EXOC4: variants seen among roughly 807,000 people sequenced by gnomAD.
EXOC4 encodes SEC8-like 1.
EXOC4 carries 71 observed loss-of-function variants against 107.2 expected under a neutral mutation model. The observed-to-expected ratio is 0.66, with a 90% confidence interval of 0.55 to 0.81. The LOEUF is 0.81. Among genes scored for constraint, EXOC4 ranks in the 30% least tolerant of loss-of-function variants. The probability of loss-of-function intolerance (pLI) is 0.00; values close to 1 mark genes in which losing one functional copy is unlikely to be tolerated. For missense variants in EXOC4, 1,108 were observed against 1,189.6 expected, an observed-to-expected ratio of 0.93 and a Z score of 1.01; for synonymous variants, 456 against 441.2, an observed-to-expected ratio of 1.03 and a Z score of -0.42.
chr7:134,045,558 A>G (rs370426500), intron 17 of EXOC4, among the ~76,000 whole-genome samples: 1 of 152,244 alleles, frequency 6.6e-6, no homozygotes, highest in African/African-American at 2.4e-5. Context: ...TGTCTTCTGT[A>G]TAGTTAAGAA....
intron 7 of EXOC4, among the ~76,000 whole-genome samples, chr7:133,419,978 T>G (rs1359674693): frequency 6.6e-6 from 1 of 151,188 alleles, no homozygotes; most frequent in Admixed American, 6.6e-5. Flanking sequence ...TTTTTTTTTT[T>G]TTTTATTATA....
At chr7:133,438,977 C>T (rs1798039345) in intron 7 of EXOC4, among the ~76,000 whole-genome samples, 1 of 152,078 alleles carries the variant, frequency 6.6e-6, no homozygotes, top group African/African-American at 2.4e-5. Flanking sequence ...GGAAATTTGA[C>T]TTACAGGTTT....
chr7:133,572,820 A>G (rs530480951), intron 9 of EXOC4, among the ~76,000 whole-genome samples: 3 of 152,232 alleles, frequency 2.0e-5, no homozygotes, highest in Non-Finnish European at 4.4e-5. Context: ...AATATGGTCT[A>G]TAGTGATTTA....
intron 9 of EXOC4, among the ~76,000 whole-genome samples, chr7:133,564,707 A>AT (rs1800873963): frequency 6.6e-6 from 1 of 152,096 alleles, no homozygotes; most frequent in Non-Finnish European, 1.5e-5. Context: ...GCAGACTAAG[A>AT]TTTTTCACTG....
chr7:133,823,023 A>G (rs2151223609), intron 11 of EXOC4, among the ~76,000 whole-genome samples: 1 of 152,376 alleles, frequency 6.6e-6, no homozygotes. Flanking sequence ...GGATGAGCCT[A>G]CATTTTCTGG....
At chr7:133,857,197 TATA>T (rs1563029979) in intron 11 of EXOC4, among the ~76,000 whole-genome samples, 3 of 43,084 alleles carry the variant, frequency 7.0e-5, no homozygotes, top group Non-Finnish European at 1.2e-4. Context: ...TATATATATA[TATA>T]TTTTACCTCT....
intron 9 of EXOC4, among the ~76,000 whole-genome samples, chr7:133,576,000 C>G (rs191862827): frequency 7.3e-4 from 111 of 152,280 alleles, no homozygotes; most frequent in Non-Finnish European, 4.9e-4. Context: ...TGAAAGTGTT[C>G]TGGACCTCCG....
rs566936657 is a variant in EXOC4 at position 133,780,352 on chromosome 7, G to A, written c.1515-36973G>A. Among the ~76,000 whole-genome samples, 6 of 150,154 alleles carry A rather than the reference G, an allele frequency of 4.0e-5. No homozygotes were observed. The South Asian group carries it at 1.3e-3, about 32-fold the overall frequency. The stretch of plus-strand genomic sequence containing the variant: ...TAGCGTTTTTTGAAAGTATTACCAA[G>A]TTAATATGAGGCTTTTTGTTTTGTT... On this transcript the variant is annotated intron_variant, in intron 10 of 17. Coordinates refer to ENST00000253861, the MANE Select transcript of EXOC4 (RefSeq NM_021807.4).
chr7:133,633,055 C>G (rs543386727), intron 10 of EXOC4, among the ~76,000 whole-genome samples: 3 of 152,166 alleles, frequency 2.0e-5, no homozygotes, highest in African/African-American at 7.2e-5. Flanking sequence ...TTACTAGACT[C>G]TGATTATGCC....
At position 133,993,934 on chromosome 7, in the gene EXOC4, G is replaced by A. The variant is rs573610798; in HGVS notation, c.2207-3558G>A. On this transcript the variant is annotated intron_variant, in intron 14 of 17. Transcript: ENST00000253861. ...CACCTCTAGCAACAAATAGGGCTGA[G>A]AATACAAATATTTAGCCTTCCAGAA... Among the ~76,000 whole-genome samples the A allele has an allele frequency of 2.2e-3, 330 of 152,372 alleles. 1 individual carries two copies. Among genetic ancestry groups the A allele is most frequent in the African/African-American group, 7.4e-3 (308 of 41,590 alleles).
intron 14 of EXOC4, among the ~76,000 whole-genome samples, chr7:133,974,963 A>G (rs191206148): frequency 6.6e-6 from 1 of 152,160 alleles, no homozygotes; most frequent in African/African-American, 2.4e-5. Flanking sequence ...AATTATGGCA[A>G]AGTACCAGAT....
chr7:133,687,444 A>G (rs1167097950), intron 10 of EXOC4, among the ~76,000 whole-genome samples: 1 of 152,074 alleles, frequency 6.6e-6, no homozygotes, highest in Non-Finnish European at 1.5e-5. Flanking sequence ...AAAGAAAAAA[A>G]AACTGAAACT....
chr7:133,701,697 A>G (rs1289231305), intron 10 of EXOC4, among the ~76,000 whole-genome samples: 6 of 152,158 alleles, frequency 3.9e-5, no homozygotes, highest in African/African-American at 1.2e-4. Context: ...AATGTTTTGC[A>G]TTTCTGATTT....
chr7:133,635,025 C>T (rs1010959849), intron 10 of EXOC4, among the ~76,000 whole-genome samples: 1 of 151,916 alleles, frequency 6.6e-6, no homozygotes, highest in Admixed American at 6.6e-5. Context: ...ATGTTATGGG[C>T]CTTGATTTTG....
intron 7 of EXOC4, among the ~76,000 whole-genome samples, chr7:133,413,330 G>T (rs1797404049): frequency 1.3e-5 from 2 of 148,818 alleles, no homozygotes; most frequent in African/African-American, 2.6e-5. Context: ...AAATCCAAAG[G>T]ACTTACCAGG....
chr7:133,749,726 A>T (rs541926899), intron 10 of EXOC4, among the ~76,000 whole-genome samples: 5 of 152,142 alleles, frequency 3.3e-5, no homozygotes, highest in African/African-American at 9.7e-5. Flanking sequence ...TGTCATAAGT[A>T]AACCTAATCT....
intron 17 of EXOC4, among the ~76,000 whole-genome samples, chr7:134,029,512 CTTTTA>C (rs1203609468): frequency 1.3e-4 from 19 of 151,258 alleles, no homozygotes; most frequent in South Asian, 4.2e-4. Context: ...TGATTGATTG[CTTTTA>C]TTTTATTTAT....
At chr7:133,934,779 C>G (rs1800260362) in intron 13 of EXOC4, among the ~76,000 whole-genome samples, 1 of 151,904 alleles carries the variant, frequency 6.6e-6, no homozygotes, top group Non-Finnish European at 1.5e-5. Context: ...TATATAAGGG[C>G]AGATTAAGAA....
chr7:133,793,582 C>T (rs2151187169), intron 10 of EXOC4, among the ~76,000 whole-genome samples: 1 of 152,334 alleles, frequency 6.6e-6, no homozygotes, highest in Middle Eastern at 3.4e-3. Flanking sequence ...CGGTGGCTCA[C>T]ACCTGTAACC....
Sources: allele counts gnomAD v4.1 joint callset (sites outside exome capture counted in the v4.1 genomes callset), GRCh38; gene constraint gnomAD v4.1.1; transcripts MANE v1.5; gene names NCBI Gene and HGNC (gene_info 2026-07-23, HGNC 2026-07-21).